The following ATG4B variants were observed in gnomAD, a reference collection of about 807,000 sequenced individuals.
ATG4B encodes the protein autophagy related 4B cysteine peptidase.
Under a neutral mutation model 56.6 loss-of-function variants are expected in ATG4B, and 29 were observed. The observed-to-expected ratio is 0.51, with a 90% CI of 0.38 to 0.70. The LOEUF (loss-of-function observed/expected upper bound fraction) is 0.70, where lower values mean the gene tolerates loss of function less well. ATG4B is among the 30% of genes least tolerant of loss of function. The pLI is 0.00. For synonymous variants in ATG4B, 224 were observed against 206.1 expected, an observed-to-expected ratio of 1.09 and a Z score of -0.74; for missense variants, 461 against 515.5, an observed-to-expected ratio of 0.89 and a Z score of 1.02.
At chr2:241,664,039 T>C (rs145328306) in intron 7 of ATG4B, among the ~76,000 whole-genome samples, 2,059 of 152,212 alleles carry the variant, frequency 0.014, 16 homozygotes, top group Non-Finnish European at 0.023. Flanking sequence ...AGGATGGTCT[T>C]GATCTCCTGA....
intron 7 of ATG4B, chr2:241,659,545 GCAACCATCTCTAGCTGCAC>G (rs1306966013): frequency 2.8e-6 from 1 of 362,154 alleles, no homozygotes; most frequent in Admixed American, 3.8e-5. Flanking sequence ...GAGAGATGTA[GCAACCATCTCTAGCTGCAC>G]CATCTCGAGC....
intron 3 of ATG4B, chr2:241,652,092 T>TGGACATTG (rs1347653016): frequency 1.7e-6 from 1 of 604,006 alleles, no homozygotes; most frequent in Non-Finnish European, 2.6e-6. Flanking sequence ...CCACAACGGC[T>TGGACATTG]GGACATTGGA....
chr2:241,654,498 GTTT>G, intron 4 of ATG4B, 45 bp from the exon 5 acceptor site: 1 of 1,316,252 alleles, frequency 7.6e-7, no homozygotes, highest in South Asian at 1.3e-5. Context: ...GTGAAAACTT[GTTT>G]CTCATATTTA....
Position 241,672,211 on chromosome 2 carries a change from C to T in ATG4B, c.1129C>T (p.Leu377=), listed in dbSNP as rs780558440. The T allele has an allele frequency of 4.4e-6, 7 of 1,585,538 alleles. No homozygotes were observed. The East Asian group carries it at 6.9e-5, about 16-fold the overall frequency. ...TCTAGATTCTTCTGATGTAGAGCGA[C>T]TGGAAAGATTCTTCGACTCAGAAGA... ...LSLDSSDVER[L]ERFFDSEDED... Residue 377 remains leucine, a synonymous_variant, in exon 13 of 13, where the codon CTG becomes TTG. Coordinates refer to ENST00000404914, the MANE Select transcript of ATG4B (RefSeq NM_013325.5).
rs1286112364 is a variant in ATG4B, at chr2:241,673,211, G to T, written c.*947G>T. ...GAAAACCACTTGAGTCTTGTGGTGT[G>T]TGGTGGGCAGACACCACAGGGTGGC... On this transcript the variant is annotated 3_prime_UTR_variant, in exon 13 of 13. Transcript: ENST00000404914. 3.4e-6 allele frequency: 1 copy of T among 290,588 alleles called. No individual in the cohort carries two copies. The highest frequency in any genetic ancestry group is 3.3e-5 in the South Asian group (1 of 30,608). 18.0% of individuals were successfully genotyped at this position (290,588 alleles called of 1,614,324 possible).
chr2:241,646,805 CAG>C lies in ATG4B; in HGVS notation c.11-4202_11-4201del, dbSNP rs1240237635. Reference sequence around the variant, plus strand: ...GCTTTTTTTTTTTTTTTTTTTGAGACAGAGTTTCACTCTCCCACCTGGGCTGG... The same window carrying C: ...GCTTTTTTTTTTTTTTTTTTTGAGACAGTTTCACTCTCCCACCTGGGCTGG... On this transcript the variant is annotated intron_variant, in intron 1 of 12. Transcript: ENST00000404914. 8.3e-5 allele frequency among the ~76,000 whole-genome samples: 11 copies of C among 132,724 alleles called. No homozygotes were observed. In the East Asian group the frequency reaches 1.5e-3, roughly 18 times the overall value. 87.1% of individuals were successfully genotyped at this position (132,724 alleles called of 152,430 possible).
Position 241,668,914 on chromosome 2 carries a change from C to A in ATG4B, c.957+229C>A. On this transcript the variant is annotated intron_variant, in intron 10 of 12. Coordinates refer to ENST00000404914, the MANE Select transcript of ATG4B (RefSeq NM_013325.5). The surrounding 1 kb of genome is among the most constrained non-coding windows in gnomAD (Gnocchi z 4.2). ...GCAGCCTTCATGGCCTTCGAGTGGC[C>A]CAGAGAGCGTGTGTCTGGATGTGAG... 1 of 609,670 alleles carries A rather than the reference C, an allele frequency of 1.6e-6. No individual in the cohort carries two copies. Among genetic ancestry groups the A allele is most frequent in the Admixed American group, 3.1e-5 (1 of 32,020 alleles). The allele number at this position is 609,670 out of a possible 1,614,324, so 37.8% of individuals were successfully genotyped here. A position where few individuals can be genotyped will look rare whatever the true frequency, so the allele number is the denominator to read the frequency against.
Position 241,673,564 on chromosome 2 carries a change from G to T in ATG4B, c.*1300G>T. 1 of 453,014 alleles carries T rather than the reference G, an allele frequency of 2.2e-6. No homozygotes were observed. The highest frequency in any genetic ancestry group is 4.4e-6 in the Non-Finnish European group (1 of 226,344). 28.1% of individuals were successfully genotyped at this position (453,014 alleles called of 1,614,324 possible). A position where few individuals can be genotyped will look rare whatever the true frequency, so the allele number is the denominator to read the frequency against. The stretch of plus-strand genomic sequence containing the variant: ...CACCTGGTAGCAGAGGACACCCCCA[G>T]CCCCCCAAGCATTGAAGACATAGTG... On this transcript the variant is annotated 3_prime_UTR_variant, in exon 13 of 13. Coordinates refer to ENST00000404914, the MANE Select transcript of ATG4B (RefSeq NM_013325.5).
Position 241,668,322 on chromosome 2 carries a change from G to C in ATG4B, c.811+101G>C. ...CAGGTGACCACTTGAGGCCACTGGT[G>C]GAAAAGCAGCATGCCCTGGGGTTCA... On this transcript the variant is annotated intron_variant, in intron 9 of 12. Transcript: ENST00000404914. This position sits in a 1 kb window ranked among gnomAD's most constrained non-coding sequence, Gnocchi z 4.2. 7.0e-7 allele frequency: 1 copy of C among 1,436,404 alleles called. No homozygotes were observed. The highest frequency in any genetic ancestry group is 9.6e-7 in the Non-Finnish European group (1 of 1,044,924). The allele number at this position is 1,436,404 out of a possible 1,614,324, so 89.0% of individuals were successfully genotyped here. A position where few individuals can be genotyped will look rare whatever the true frequency, so the allele number is the denominator to read the frequency against.
In ATG4B at chr2:241,672,232, G is replaced by A. The variant is rs1252351922; in HGVS notation, c.1150G>A (p.Glu384Lys). ...GCGACTGGAAAGATTCTTCGACTCA[G>A]AAGATGAAGACTTTGAAATCCTGTC... ...VERLERFFDS[E>K]DEDFEILSL Residue 384 changes from glutamate (E) to lysine (K), a missense_variant, in exon 13 of 13, where the codon GAA becomes AAA. Glu to Lys is a moderately conservative substitution (Grantham distance 56). Coordinates refer to ENST00000404914, the MANE Select transcript of ATG4B (RefSeq NM_013325.5). 6.3e-7 allele frequency: 1 copy of A among 1,585,434 alleles called. No homozygotes were observed. Among genetic ancestry groups the A allele is most frequent in the African/African-American group, 1.3e-5 (1 of 74,548 alleles).
At position 241,668,520 on chromosome 2, in the gene ATG4B, C is replaced by T. The variant is rs767261626; in HGVS notation, c.812-20C>T. On this transcript the variant is annotated intron_variant, in intron 9 of 12. Coordinates refer to ENST00000404914, the MANE Select transcript of ATG4B (RefSeq NM_013325.5). The surrounding 1 kb of genome is among the most constrained non-coding windows in gnomAD (Gnocchi z 4.2). ...CTGCCGGCTCGGCCACCCACCTGCC[C>T]ACCTGCCTCATCCTCCCAGGTGAGG... is the stretch of plus-strand genomic sequence containing the variant. The T allele has an allele frequency of 6.2e-7, 1 of 1,604,368 alleles. No homozygotes were observed. Among genetic ancestry groups the T allele is most frequent in the Admixed American group, 1.7e-5 (1 of 59,456 alleles).
intron 1 of ATG4B, among the ~76,000 whole-genome samples, chr2:241,640,475 A>G (rs751740186): frequency 3.3e-5 from 5 of 152,230 alleles, no homozygotes; most frequent in Non-Finnish European, 5.9e-5. Context: ...ATAGTCATTA[A>G]TTCAATACAC....
At chr2:241,653,990 GAAAAAAAA>G (rs34757883) in intron 4 of ATG4B, among the ~76,000 whole-genome samples, 1 of 72,912 alleles carries the variant, frequency 1.4e-5, no homozygotes, top group Admixed American at 1.6e-4. Context: ...GACCCTATCT[GAAAAAAAA>G]AAAAAAAAAA....
intron 12 of ATG4B, chr2:241,671,851 C>G (rs943399077): frequency 3.9e-6 from 5 of 1,291,100 alleles, no homozygotes; most frequent in Non-Finnish European, 4.9e-6. Flanking sequence ...GCGCGTCCTC[C>G]TCATCTCTGT....
chr2:241,643,691 T>TA (rs1491158923), intron 1 of ATG4B, among the ~76,000 whole-genome samples: 4 of 104,226 alleles, frequency 3.8e-5, no homozygotes, highest in South Asian at 3.8e-4. Context: ...TATGTATATA[T>TA]TTTCCCCCCC....
At chr2:241,667,601 C>T (rs2068820074) in intron 8 of ATG4B, among the ~76,000 whole-genome samples, 1 of 147,570 alleles carries the variant, frequency 6.8e-6, no homozygotes, top group Admixed American at 6.8e-5. Flanking sequence ...GAGACTCCAT[C>T]TCAAATAAAA....
At chr2:241,645,680 T>C (rs2068040031) in intron 1 of ATG4B, among the ~76,000 whole-genome samples, 1 of 152,234 alleles carries the variant, frequency 6.6e-6, no homozygotes. Flanking sequence ...GCGCTCCAGC[T>C]GTCAGGAACG....
intron 1 of ATG4B, among the ~76,000 whole-genome samples, chr2:241,647,078 C>T (rs538953955): frequency 4.3e-4 from 65 of 152,256 alleles, no homozygotes; most frequent in African/African-American, 1.5e-3. Context: ...GCCCCTGTGC[C>T]TGGCCTCAGT....
intron 6 of ATG4B, 90 bp downstream of exon 6, chr2:241,655,433 A>G: frequency 7.6e-7 from 1 of 1,309,342 alleles, no homozygotes; most frequent in Non-Finnish European, 1.1e-6. Context: ...GCTACAGGAA[A>G]TAAGGGGTCT....
Sources: gnomAD v4.1 joint callset for allele counts (sites outside exome capture counted in the v4.1 genomes callset) on GRCh38, gnomAD v4.1.1 for gene constraint, Gnocchi (gnomAD v3.1) non-coding constraint, MANE v1.5 for transcripts, NCBI Gene and HGNC (gene_info 2026-07-23, HGNC 2026-07-21) for gene names.